Variants in TNFSF4 observed in about 807,000 individuals in gnomAD.
The protein encoded by TNFSF4 is TNF superfamily member 4.
TNFSF4 carries 4 observed loss-of-function variants against 7.3 expected under a neutral mutation model. That is an observed-to-expected ratio of 0.55 (90% confidence interval 0.27 to 1.25). The LOEUF (loss-of-function observed/expected upper bound fraction) is 1.25, where lower values mean the gene tolerates loss of function less well. Among genes scored for constraint, TNFSF4 ranks in the 50% most tolerant of loss-of-function variants. TNFSF4 has a pLI of 0.12. For synonymous variants in TNFSF4, 76 were observed against 83.7 expected, an observed-to-expected ratio of 0.91 and a Z score of 0.50; for missense variants, 181 against 208.8, an observed-to-expected ratio of 0.87 and a Z score of 0.82.
chr1:173,212,639 T>C, the TNFSF4 span, among the ~76,000 whole-genome samples: 1 of 151,538 alleles, frequency 6.6e-6, no homozygotes, highest in Non-Finnish European at 1.5e-5. Context: ...AGGGTGACTA[T>C]AGTCAATAAT....
At chr1:173,405,603 G>A in the TNFSF4 span, among the ~76,000 whole-genome samples, 660 of 152,298 alleles carry the variant, frequency 4.3e-3, 8 homozygotes, top group African/African-American at 0.015. Flanking sequence ...CATTATTAAT[G>A]TGTTTGCCAG....
chr1:173,230,671 C>A, the TNFSF4 span, among the ~76,000 whole-genome samples: 1 of 151,858 alleles, frequency 6.6e-6, no homozygotes, highest in African/African-American at 2.4e-5. Flanking sequence ...ACAAAATTGA[C>A]AGACCACTAG....
the TNFSF4 span, among the ~76,000 whole-genome samples, chr1:173,391,242 T>C: frequency 1.8e-3 from 263 of 149,088 alleles, 3 homozygotes; most frequent in African/African-American, 6.2e-3. Flanking sequence ...CACTTTATGG[T>C]CCCCTCCTTC....
the TNFSF4 span, among the ~76,000 whole-genome samples, chr1:173,352,347 G>A: frequency 9.9e-5 from 15 of 152,204 alleles, no homozygotes; most frequent in African/African-American, 2.9e-4. Flanking sequence ...CAAGTGGATC[G>A]GGGGAACCAG....
At chr1:173,407,427 G>A in the TNFSF4 span, among the ~76,000 whole-genome samples, 4 of 151,744 alleles carry the variant, frequency 2.6e-5, no homozygotes, top group Non-Finnish European at 5.9e-5. Flanking sequence ...GGGTGTGGTC[G>A]CACACACCTG....
the TNFSF4 span, among the ~76,000 whole-genome samples, chr1:173,300,132 TAGATAGATAATA>T: frequency 1.8e-5 from 2 of 113,110 alleles, no homozygotes; most frequent in African/African-American, 6.3e-5. Flanking sequence ...GATAGATAGA[TAGATAGATAATA>T]AATAGATGAT....
chr1:173,205,370 G>T, intron 1 of TNFSF4: 3 of 1,610,792 alleles, frequency 1.9e-6, no homozygotes, highest in Non-Finnish European at 2.5e-6. Flanking sequence ...CTTTCCTTCT[G>T]TCCCAGAGTT....
chr1:173,173,413 G>T, the TNFSF4 span, among the ~76,000 whole-genome samples: 2 of 152,292 alleles, frequency 1.3e-5, no homozygotes, highest in Admixed American at 1.3e-4. Flanking sequence ...TACAGGCACT[G>T]GATAAATGCA....
At position 173,199,918 on chromosome 1, in the gene TNFSF4, C is replaced by T. The variant is rs574732492; in HGVS notation, c.153+7106G>A. Among the ~76,000 whole-genome samples, 330 of 152,260 alleles carry T rather than the reference C, an allele frequency of 2.2e-3. 1 individual carries two copies. Among genetic ancestry groups the T allele is most frequent in the Middle Eastern group, 0.014 (4 of 294 alleles). On this transcript the variant is annotated intron_variant, in intron 1 of 2. Coordinates refer to ENST00000281834, the MANE Select transcript of TNFSF4 (RefSeq NM_003326.5). ...GAATTAGTACTAGAATTCAGGTCCT[C>T]TTTCTCTTGTACAAATATATCATAC...
At chr1:173,227,826 G>A in the TNFSF4 span, among the ~76,000 whole-genome samples, 1 of 152,362 alleles carries the variant, frequency 6.6e-6, no homozygotes, top group East Asian at 1.9e-4. Context: ...CCCCCACAGA[G>A]CCTTGCTAAT....
At chr1:173,257,937 G>A in the TNFSF4 span, among the ~76,000 whole-genome samples, 4 of 152,312 alleles carry the variant, frequency 2.6e-5, no homozygotes, top group African/African-American at 9.6e-5. Context: ...CTAATCTCAT[G>A]GTTGATCTTT....
the TNFSF4 span, among the ~76,000 whole-genome samples, chr1:173,236,997 T>C: frequency 2.0e-5 from 3 of 152,194 alleles, no homozygotes; most frequent in Non-Finnish European, 2.9e-5. Context: ...ATGGAGATAA[T>C]TGAATCATAG....
At chr1:173,394,576 G>C in the TNFSF4 span, among the ~76,000 whole-genome samples, 1 of 152,132 alleles carries the variant, frequency 6.6e-6, no homozygotes, top group Non-Finnish European at 1.5e-5. Flanking sequence ...TCCCAAATGA[G>C]GATTGGCATT....
chr1:173,435,198 G>A, the TNFSF4 span, among the ~76,000 whole-genome samples: 1 of 152,158 alleles, frequency 6.6e-6, no homozygotes, highest in Admixed American at 6.5e-5. Context: ...AGAAAGTGAT[G>A]GGAGACAGGC....
chr1:173,307,966 T>C, the TNFSF4 span, among the ~76,000 whole-genome samples: 5 of 151,962 alleles, frequency 3.3e-5, no homozygotes, highest in Non-Finnish European at 7.4e-5. Flanking sequence ...CCCTGATTAC[T>C]AGTAAGGTGG....
chr1:173,288,263 G>A, the TNFSF4 span, among the ~76,000 whole-genome samples: 1 of 152,008 alleles, frequency 6.6e-6, no homozygotes, highest in Non-Finnish European at 1.5e-5. Flanking sequence ...GACCAGCCTA[G>A]GCAACATGGC....
the TNFSF4 span, among the ~76,000 whole-genome samples, chr1:173,376,774 C>T: frequency 6.6e-6 from 1 of 152,214 alleles, no homozygotes; most frequent in Non-Finnish European, 1.5e-5. Context: ...CCCTTCCACA[C>T]TGTGGAAGCT....
chr1:173,320,124 C>T, the TNFSF4 span, among the ~76,000 whole-genome samples: 1 of 152,140 alleles, frequency 6.6e-6, no homozygotes, highest in Non-Finnish European at 1.5e-5. Context: ...CATCAAAAAG[C>T]TTATCCACCA....
chr1:173,447,153 T>C, the TNFSF4 span, among the ~76,000 whole-genome samples: 14 of 152,322 alleles, frequency 9.2e-5, no homozygotes, highest in African/African-American at 3.1e-4. Flanking sequence ...ATATATTGTA[T>C]GATTCCTACT....
Sources: allele counts gnomAD v4.1 joint callset (sites outside exome capture counted in the v4.1 genomes callset), GRCh38; gene constraint gnomAD v4.1.1; transcripts MANE v1.5; gene names NCBI Gene and HGNC (gene_info 2026-07-23, HGNC 2026-07-21).